The following MBP variants were observed in gnomAD, a reference collection of about 807,000 sequenced individuals.
The protein encoded by MBP is myelin basic protein, also known as Golli-MBP.
In MBP, 16 loss-of-function variants were observed where a neutral mutation model predicts 35.8. The ratio of observed to expected loss-of-function variants is 0.45; its 90% CI spans 0.30 to 0.68. The LOEUF (loss-of-function observed/expected upper bound fraction) is 0.68. MBP is among the 30% of genes least tolerant of loss of function. MBP has a pLI of 0.08. For missense variants in MBP, 380 were observed against 404.7 expected (o/e 0.94, Z 0.52); for synonymous variants, 143 against 159.6 (o/e 0.90, Z 0.78).
chr18:77,044,300 G>A lies in MBP; in HGVS notation c.139+21998C>T, dbSNP rs1973133352. The stretch of plus-strand genomic sequence containing the variant: ...TCAAAGACTGCATGCCTGAGACGGG[G>A]TCCAAACCCCTCTTCAACTGTCCTC... On this transcript the variant is annotated intron_variant, in intron 3 of 8. Coordinates refer to ENST00000355994, the MANE Select transcript of MBP (RefSeq NM_001025101.2). The surrounding 1 kb of genome is among the most constrained non-coding windows in gnomAD (Gnocchi z 4.4). 6.6e-6 allele frequency among the ~76,000 whole-genome samples: 1 copy of A among 152,072 alleles called. No individual in the cohort carries two copies. Among genetic ancestry groups the A allele is most frequent in the Non-Finnish European group, 1.5e-5 (1 of 68,022 alleles).
intron 4 of MBP, among the ~76,000 whole-genome samples, chr18:76,996,831 C>G (rs970251258): frequency 6.6e-6 from 1 of 152,064 alleles, no homozygotes; most frequent in African/African-American, 2.4e-5. Context: ...GAAGTGTACC[C>G]CCAAAGCAAG....
At chr18:77,002,059 G>A (rs1970669020) in intron 4 of MBP, among the ~76,000 whole-genome samples, 1 of 152,156 alleles carries the variant, frequency 6.6e-6, no homozygotes, top group Admixed American at 6.5e-5. Context: ...GGGGAAGTGG[G>A]TCAAATAACT....
In MBP at chr18:77,031,899, C is replaced by T. The variant is rs189678747; in HGVS notation, c.140-14631G>A. On this transcript the variant is annotated intron_variant, in intron 3 of 8. Coordinates refer to ENST00000355994, the MANE Select transcript of MBP (RefSeq NM_001025101.2). ...GCCCAGTGGGAGCCAGGGCTTTTGT[C>T]GAGCACTCAGCTCCAGCTCCTGTCC... Among the ~76,000 whole-genome samples, 390 of 152,316 alleles carry T rather than the reference C, an allele frequency of 2.6e-3. 1 individual carries two copies. Among genetic ancestry groups the T allele is most frequent in the Non-Finnish European group, 3.6e-3 (247 of 68,026 alleles).
intron 8 of MBP, 71 bp from the exon 9 acceptor site, chr18:76,980,542 G>T: frequency 8.6e-7 from 1 of 1,167,082 alleles, no homozygotes; most frequent in Non-Finnish European, 1.3e-6. Flanking sequence ...CCCCTCTTCT[G>T]TGGTCCCGGG....
At chr18:77,007,826 A>G (rs751609951) in intron 4 of MBP, among the ~76,000 whole-genome samples, 13 of 152,232 alleles carry the variant, frequency 8.5e-5, no homozygotes, top group Admixed American at 5.2e-4. Context: ...AGCGTTGTGT[A>G]GAGGATTTAC....
intron 1 of MBP, among the ~76,000 whole-genome samples, chr18:77,125,796 G>C (rs904340472): frequency 1.3e-5 from 2 of 151,586 alleles, no homozygotes; most frequent in African/African-American, 4.8e-5. Flanking sequence ...ACCTAGTTCA[G>C]TAGTGCTGAG....
chr18:77,077,991 C>G (rs1375848401), intron 2 of MBP, among the ~76,000 whole-genome samples: 1 of 152,336 alleles, frequency 6.6e-6, no homozygotes, highest in East Asian at 1.9e-4. Flanking sequence ...AGCTGCACCC[C>G]CCTGCCCCGG....
intron 3 of MBP, among the ~76,000 whole-genome samples, chr18:77,048,580 C>T (rs1171807955): frequency 6.7e-6 from 1 of 150,288 alleles, no homozygotes; most frequent in Non-Finnish European, 1.5e-5. Context: ...TCTCTTGTCT[C>T]AGCCTCCTGA....
intron 1 of MBP, among the ~76,000 whole-genome samples, chr18:77,107,472 A>T (rs535454081): frequency 8.4e-4 from 128 of 151,890 alleles, no homozygotes; most frequent in African/African-American, 2.8e-3. Flanking sequence ...TGCAACACTC[A>T]CTCCTTCCAG....
chr18:77,097,434 G>A (rs1419087079), intron 2 of MBP: 3 of 152,246 alleles, frequency 2.0e-5, no homozygotes, highest in Admixed American at 2.0e-4. Flanking sequence ...AGATGCCACT[G>A]ACACTCTTTT....
In MBP at chr18:76,988,162, G is replaced by A. The variant is rs1382616351; in HGVS notation, c.750+333C>T. Reference sequence around the variant, plus strand: ...GGCTTCTCGCACTGGTTGTGTTGGAGGAAGTTAAACATTTTCTCGGACGTG... The same window carrying A: ...GGCTTCTCGCACTGGTTGTGTTGGAAGAAGTTAAACATTTTCTCGGACGTG... On this transcript the variant is annotated intron_variant, in intron 7 of 8. Transcript: ENST00000355994. This position sits in a 1 kb window ranked among gnomAD's most constrained non-coding sequence, Gnocchi z 5.2. The A allele has an allele frequency of 1.3e-6, 2 of 1,538,616 alleles. No individual in the cohort carries two copies.
chr18:77,008,925 G>C (rs1342530048), intron 4 of MBP, among the ~76,000 whole-genome samples: 3 of 152,228 alleles, frequency 2.0e-5, no homozygotes, highest in Non-Finnish European at 2.9e-5. Flanking sequence ...GTCCCCCCTT[G>C]CCGGCCTCTG....
chr18:77,051,868 C>T (rs571555285), intron 3 of MBP, among the ~76,000 whole-genome samples: 16 of 152,176 alleles, frequency 1.1e-4, no homozygotes, highest in African/African-American at 3.6e-4. Context: ...TTTTTAACAC[C>T]TTGTTTCTTC....
chr18:76,993,598 C>G lies in MBP; in HGVS notation c.577-3538G>C, dbSNP rs1970096437. Among the ~76,000 whole-genome samples the G allele has an allele frequency of 2.0e-5, 3 of 150,022 alleles. No individual in the cohort carries two copies. The South Asian group carries it at 6.3e-4, about 32-fold the overall frequency. ...AGATCCCATTTTATCCCTTGGATTT[C>G]TTAGTAATCAGCAACTCCATATTTT... On this transcript the variant is annotated intron_variant, in intron 4 of 8. Coordinates refer to ENST00000355994, the MANE Select transcript of MBP (RefSeq NM_001025101.2).
intron 2 of MBP, among the ~76,000 whole-genome samples, chr18:77,072,295 T>C (rs963798679): frequency 6.6e-6 from 1 of 152,236 alleles, no homozygotes; most frequent in East Asian, 1.9e-4. Context: ...GGCAGATATT[T>C]CTTTAAGTTT....
chr18:77,049,805 G>A (rs576726530), intron 3 of MBP, among the ~76,000 whole-genome samples: 10 of 151,574 alleles, frequency 6.6e-5, no homozygotes, highest in Middle Eastern at 3.4e-3. Flanking sequence ...TCAGCTTCCC[G>A]AGTAGCTGGG....
chr18:76,985,155 A>G (rs1244783533), intron 7 of MBP: 2 of 1,524,144 alleles, frequency 1.3e-6, no homozygotes, highest in African/African-American at 2.7e-5. Flanking sequence ...TATGCGGCCC[A>G]ACCACACATA....
chr18:77,029,772 A>G (rs569455306), intron 3 of MBP, among the ~76,000 whole-genome samples: 7 of 141,508 alleles, frequency 4.9e-5, no homozygotes, highest in African/African-American at 1.7e-4. Flanking sequence ...TTCCCATAAA[A>G]TGACCACACA....
At chr18:77,060,574 C>G (rs1284548880) in intron 3 of MBP, among the ~76,000 whole-genome samples, 4 of 151,084 alleles carry the variant, frequency 2.6e-5, no homozygotes, top group African/African-American at 9.8e-5. Context: ...CCTCAGCCTT[C>G]CAAGTAGCCA....
Sources: gnomAD v4.1 joint callset for allele counts (sites outside exome capture counted in the v4.1 genomes callset) on GRCh38, gnomAD v4.1.1 for gene constraint, Gnocchi (gnomAD v3.1) non-coding constraint, MANE v1.5 for transcripts, NCBI Gene and HGNC (gene_info 2026-07-23, HGNC 2026-07-21) for gene names.